Variants in CNR1 observed in about 807,000 individuals in gnomAD.
CNR1 encodes the protein cannabinoid receptor 1.
In CNR1, 10 loss-of-function variants were observed where a neutral mutation model predicts 23.0. That is an observed-to-expected ratio of 0.43 (90% confidence interval 0.27 to 0.74). The LOEUF (loss-of-function observed/expected upper bound fraction) is 0.74. Ranked by LOEUF, CNR1 falls within the 30% of genes least tolerant of loss-of-function variation. CNR1 has a pLI of 0.19. For missense variants in CNR1, 422 were observed against 618.8 expected (o/e 0.68, Z 3.37); for synonymous variants, 271 against 255.2 (o/e 1.06, Z -0.59).
intron 1 of CNR1, among the ~76,000 whole-genome samples, chr6:88,146,515 T>A (rs1582333309): frequency 6.6e-6 from 1 of 152,002 alleles, no homozygotes; most frequent in Non-Finnish European, 1.5e-5. Flanking sequence ...GGCTGGAGAG[T>A]GTCCAAGGAT....
chr6:88,164,773 C>T (rs1341269212), intron 1 of CNR1, among the ~76,000 whole-genome samples: 1 of 152,218 alleles, frequency 6.6e-6, no homozygotes, highest in African/African-American at 2.4e-5. Context: ...CCCACTAATA[C>T]TCAGTGTCCG....
intron 1 of CNR1, among the ~76,000 whole-genome samples, chr6:88,164,006 C>T (rs761146316): frequency 6.6e-6 from 1 of 152,206 alleles, no homozygotes; most frequent in Non-Finnish European, 1.5e-5. Context: ...AAACTTTACA[C>T]ACTAAATAAT....
intron 1 of CNR1, among the ~76,000 whole-genome samples, chr6:88,149,591 T>TA (rs1777410879): frequency 6.6e-6 from 1 of 152,214 alleles, no homozygotes; most frequent in Admixed American, 6.5e-5. Flanking sequence ...CACTCATACT[T>TA]AAACACCAGG....
intron 1 of CNR1, among the ~76,000 whole-genome samples, chr6:88,152,996 A>C (rs1777608922): frequency 6.6e-6 from 1 of 152,244 alleles, no homozygotes; most frequent in Non-Finnish European, 1.5e-5. Context: ...ATTGAATGAC[A>C]TATAAGGGAA....
chr6:88,167,132 C>A (rs925692610), upstream of CNR1, among the ~76,000 whole-genome samples: 1 of 152,002 alleles, frequency 6.6e-6, no homozygotes, highest in Non-Finnish European at 1.5e-5. Flanking sequence ...CGGCTGGCTC[C>A]GCGCCTCCCG....
At position 88,144,534 on chromosome 6, in the gene CNR1, G is replaced by T. The variant is rs140990034; in HGVS notation, c.741C>A (p.Ile247=). 3.1e-6 allele frequency: 5 copies of T among 1,614,178 alleles called. No homozygotes were observed. Among genetic ancestry groups the T allele is most frequent in the South Asian group, 2.2e-5 (2 of 91,082 alleles). Residue 247 remains isoleucine, a synonymous_variant, in exon 2 of 2, where the codon ATC becomes ATA. Transcript: ENST00000369501. This position sits in a 1 kb window ranked among gnomAD's most constrained non-coding sequence, Gnocchi z 7.8. ...FCLMWTIAIV[I]AVLPLLGWNC... ...TCCAGCCCAGGAGAGGCAGCACGGCGATCACAATGGCTATGGTCCACATCA... is the reference window on the plus strand; with the variant it reads ...TCCAGCCCAGGAGAGGCAGCACGGCTATCACAATGGCTATGGTCCACATCA...
chr6:88,143,600 C>CG lies in CNR1; in HGVS notation c.*255_*256insC. On this transcript the variant is annotated 3_prime_UTR_variant, in exon 2 of 2. Transcript: ENST00000369501. ...AATTGTGTAGCCAAAGGTTTCCCTC[C>CG]TATTTCATTGAGACTTTGAAGGATC... The CG allele has an allele frequency of 2.6e-6, 1 of 383,740 alleles. No homozygotes were observed. Among genetic ancestry groups the CG allele is most frequent in the Non-Finnish European group, 4.7e-6 (1 of 214,166 alleles). 23.8% of individuals were successfully genotyped at this position (383,740 alleles called of 1,614,324 possible). A position where few individuals can be genotyped will look rare whatever the true frequency, so the allele number is the denominator to read the frequency against.
intron 1 of CNR1, among the ~76,000 whole-genome samples, chr6:88,156,079 A>C (rs547254393): frequency 2.1e-4 from 32 of 152,296 alleles, no homozygotes; most frequent in South Asian, 1.2e-3. Context: ...AGGGAGAAGA[A>C]GACTTTCTGT....
Position 88,140,525 on chromosome 6 carries a change from G to GC in CNR1, c.*3330dup, listed in dbSNP as rs1776751489. The GC allele has an allele frequency of 6.5e-6, 1 of 152,772 alleles. No individual in the cohort carries two copies. Among genetic ancestry groups the GC allele is most frequent in the South Asian group, 2.1e-4 (1 of 4,822 alleles). 9.5% of individuals were successfully genotyped at this position (152,772 alleles called of 1,614,324 possible). A position where few individuals can be genotyped will look rare whatever the true frequency, so the allele number is the denominator to read the frequency against. ...GTTAACATTTCATCAGAAGGCCAGTGCAAGACAATTAATTGTTAATAGCCA... is the reference window on the plus strand; with the variant it reads ...GTTAACATTTCATCAGAAGGCCAGTGCCAAGACAATTAATTGTTAATAGCCA... On this transcript the variant is annotated 3_prime_UTR_variant, in exon 2 of 2. Coordinates refer to ENST00000369501, the MANE Select transcript of CNR1 (RefSeq NM_016083.6).
chr6:88,148,996 G>A (rs146885455), intron 1 of CNR1, among the ~76,000 whole-genome samples: 35 of 152,194 alleles, frequency 2.3e-4, no homozygotes, highest in African/African-American at 7.7e-4. Flanking sequence ...AACCAGTTCT[G>A]CACACCTTTC....
chr6:88,143,306 A>G lies in CNR1; in HGVS notation c.*550T>C, dbSNP rs906335753. 1 of 152,916 alleles carries G rather than the reference A, an allele frequency of 6.5e-6. No individual in the cohort carries two copies. Among genetic ancestry groups the G allele is most frequent in the Non-Finnish European group, 1.5e-5 (1 of 68,154 alleles). The allele number at this position is 152,916 out of a possible 1,614,324, so 9.5% of individuals were successfully genotyped here. ...GGGCAATAATATAGAAAAAAAGTGC[A>G]CACATTGACACGTATCCACTGCTTG... On this transcript the variant is annotated 3_prime_UTR_variant, in exon 2 of 2. Coordinates refer to ENST00000369501, the MANE Select transcript of CNR1 (RefSeq NM_016083.6).
rs150242038 is a variant in CNR1, at chr6:88,165,905, G to T, written c.-166C>A. ...AACGAAATATCCCCCACTGACTACGGAGAGCTCTGCAGGGAGCCGAGGCCC... is the reference window on the plus strand; with the variant it reads ...AACGAAATATCCCCCACTGACTACGTAGAGCTCTGCAGGGAGCCGAGGCCC... On this transcript the variant is annotated 5_prime_UTR_variant, in exon 1 of 2. Transcript: ENST00000369501. 1 of 152,710 alleles carries T rather than the reference G, an allele frequency of 6.5e-6. No individual in the cohort carries two copies. The highest frequency in any genetic ancestry group is 2.4e-5 in the African/African-American group (1 of 41,604). 9.5% of individuals were successfully genotyped at this position (152,710 alleles called of 1,614,324 possible). A position where few individuals can be genotyped will look rare whatever the true frequency, so the allele number is the denominator to read the frequency against.
chr6:88,143,811 T>A lies in CNR1; in HGVS notation c.*45A>T. The A allele has an allele frequency of 8.1e-7, 1 of 1,234,332 alleles. No homozygotes were observed. Among genetic ancestry groups the A allele is most frequent in the Non-Finnish European group, 1.1e-6 (1 of 901,042 alleles). 76.5% of individuals were successfully genotyped at this position (1,234,332 alleles called of 1,614,324 possible). A position where few individuals can be genotyped will look rare whatever the true frequency, so the allele number is the denominator to read the frequency against. On this transcript the variant is annotated 3_prime_UTR_variant, in exon 2 of 2. Transcript: ENST00000369501. ...AATAGACTCTTCTAGATTTTGAGCT[T>A]AAAAAAAAAAATTCTTTTCCTGTGC...
At position 88,140,060 on chromosome 6, in the gene CNR1, C is replaced by T. The variant is rs1457571016; in HGVS notation, c.*3796G>A. ...TATAGTAATTTAATGACTGAAGCTA[C>T]ATTTAATAACAATCTTACCAGTACT... is the stretch of plus-strand genomic sequence containing the variant. On this transcript the variant is annotated 3_prime_UTR_variant, in exon 2 of 2. Coordinates refer to ENST00000369501, the MANE Select transcript of CNR1 (RefSeq NM_016083.6). 2.0e-5 allele frequency: 3 copies of T among 152,710 alleles called. No individual in the cohort carries two copies. The highest frequency in any genetic ancestry group is 7.2e-5 in the African/African-American group (3 of 41,438). 9.5% of individuals were successfully genotyped at this position (152,710 alleles called of 1,614,324 possible). A position where few individuals can be genotyped will look rare whatever the true frequency, so the allele number is the denominator to read the frequency against.
chr6:88,155,935 G>C (rs1057271843), intron 1 of CNR1, among the ~76,000 whole-genome samples: 1 of 152,112 alleles, frequency 6.6e-6, no homozygotes, highest in Non-Finnish European at 1.5e-5. Flanking sequence ...CACGAATAGG[G>C]CACCTTCTTT....
intron 1 of CNR1, among the ~76,000 whole-genome samples, chr6:88,155,356 T>A (rs1777738916): frequency 6.6e-6 from 1 of 152,216 alleles, no homozygotes; most frequent in Non-Finnish European, 1.5e-5. Context: ...TATATGCCAG[T>A]CATGGAAAAA....
At chr6:88,151,600 GTATTAT>G (rs1015472714) in intron 1 of CNR1, among the ~76,000 whole-genome samples, 3 of 151,774 alleles carry the variant, frequency 2.0e-5, no homozygotes, top group Non-Finnish European at 4.4e-5. Flanking sequence ...TCTTCAATGG[GTATTAT>G]TATTATCATT....
chr6:88,151,912 A>G (rs1269612732), intron 1 of CNR1, among the ~76,000 whole-genome samples: 2 of 152,120 alleles, frequency 1.3e-5, no homozygotes, highest in African/African-American at 4.8e-5. Context: ...TATAATCCCC[A>G]TTTCACAGAT....
At chr6:88,148,375 A>T (rs1215157483) in intron 1 of CNR1, among the ~76,000 whole-genome samples, 1 of 152,230 alleles carries the variant, frequency 6.6e-6, no homozygotes, top group Non-Finnish European at 1.5e-5. Flanking sequence ...CAGTAAGTTC[A>T]CTGAAGATCT....
Sources: allele counts gnomAD v4.1 joint callset (sites outside exome capture counted in the v4.1 genomes callset), GRCh38; gene constraint gnomAD v4.1.1; non-coding constraint Gnocchi (gnomAD v3.1); transcripts MANE v1.5; gene names NCBI Gene and HGNC (gene_info 2026-07-23, HGNC 2026-07-21).